PCDHGA6: variants seen among roughly 807,000 people sequenced by gnomAD.
PCDHGA6 encodes the protein protocadherin gamma subfamily A, 6, also known as protocadherin gamma-A6.
PCDHGA6 carries 41 observed loss-of-function variants against 60.6 expected under a neutral mutation model. That is an observed-to-expected ratio of 0.68 (90% CI 0.53 to 0.88). The LOEUF is 0.88. Ranked by LOEUF, PCDHGA6 falls within the 40% of genes least tolerant of loss-of-function variation. PCDHGA6 has a pLI of 0.00. For synonymous variants in PCDHGA6, 594 were observed against 524.4 expected (o/e 1.13, Z -1.81); for missense variants, 1,312 against 1,203.0 (o/e 1.09, Z -1.34).
intron 1 of PCDHGA6, among the ~76,000 whole-genome samples, chr5:141,474,672 T>C (rs1203448521): frequency 2.0e-5 from 3 of 152,228 alleles, no homozygotes; most frequent in Non-Finnish European, 4.4e-5. Flanking sequence ...ACCTAACCTA[T>C]GTGCCTACCC....
Position 141,476,852 on chromosome 5 carries a change from C to T in PCDHGA6, c.2425-17955C>T. 6.2e-7 allele frequency: 1 copy of T among 1,613,828 alleles called. No homozygotes were observed. Among genetic ancestry groups the T allele is most frequent in the Non-Finnish European group, 8.5e-7 (1 of 1,180,044 alleles). ...GAATGACAATGCGCCTGTCTTCAAC[C>T]AGTCCTTGTACCGGGCGCGCGTCCT... On this transcript the variant is annotated intron_variant, in intron 1 of 3. Coordinates refer to ENST00000517434, the MANE Select transcript of PCDHGA6 (RefSeq NM_018919.3). This position sits in a 1 kb window ranked among gnomAD's most constrained non-coding sequence, Gnocchi z 7.6.
intron 1 of PCDHGA6, among the ~76,000 whole-genome samples, chr5:141,424,873 A>G (rs549945556): frequency 3.9e-5 from 6 of 152,198 alleles, no homozygotes; most frequent in Non-Finnish European, 8.8e-5. Context: ...CAAATGAGGA[A>G]AGGAGACTTA....
In PCDHGA6 at chr5:141,433,177, A is replaced by T; in HGVS notation, c.2424+56670A>T. 1.9e-6 allele frequency: 3 copies of T among 1,608,174 alleles called. No homozygotes were observed. The Middle Eastern group carries it at 5.0e-4, about 267-fold the overall frequency. Reference sequence around the variant, plus strand: ...TATTTTCTAAAGACAGTCATGGGTTAATTGAGGTGAGTTTATATCAAATCT... The same window carrying T: ...TATTTTCTAAAGACAGTCATGGGTTTATTGAGGTGAGTTTATATCAAATCT... On this transcript the variant is annotated intron_variant, in intron 1 of 3. Coordinates refer to ENST00000517434, the MANE Select transcript of PCDHGA6 (RefSeq NM_018919.3).
intron 1 of PCDHGA6, chr5:141,383,529 G>C (rs367939205): frequency 2.4e-5 from 39 of 1,612,356 alleles, no homozygotes; most frequent in Non-Finnish European, 3.1e-5. Flanking sequence ...TTCACCACCT[G>C]GTCCTCACAG....
intron 1 of PCDHGA6, chr5:141,394,704 G>A (rs1357305999): frequency 1.2e-6 from 2 of 1,613,268 alleles, no homozygotes; most frequent in East Asian, 2.2e-5. Context: ...CACGGCGCGA[G>A]CCCTGCTGGA....
Position 141,432,136 on chromosome 5 carries a change from T to C in PCDHGA6, c.2424+55629T>C, listed in dbSNP as rs766026174. 2 of 1,613,960 alleles carry C rather than the reference T, an allele frequency of 1.2e-6. No individual in the cohort carries two copies. The highest frequency in any genetic ancestry group is 1.7e-5 in the Admixed American group (1 of 59,996). On this transcript the variant is annotated intron_variant, in intron 1 of 3. Transcript: ENST00000517434. The surrounding 1 kb of genome is among the most constrained non-coding windows in gnomAD (Gnocchi z 6.0). ...TCTTCCCTCAGGCCTCCTATTCCGC[T>C]TATATCCCAGAGAACAATCCCAGAG...
chr5:141,384,609 T>A (rs967686346), intron 1 of PCDHGA6: 5 of 1,614,148 alleles, frequency 3.1e-6, no homozygotes, highest in African/African-American at 1.3e-5. Flanking sequence ...TCCCCACAGA[T>A]GGTTCTACTG....
Position 141,486,683 on chromosome 5 carries a change from G to C in PCDHGA6, c.2425-8124G>C, listed in dbSNP as rs1207359772. 6.2e-7 allele frequency: 1 copy of C among 1,613,974 alleles called. No individual in the cohort carries two copies. ...GGAGCCCAGGAATCGAGATGTATCA[G>C]CTTCCTCTTTCATCTCTCTGAACCC... On this transcript the variant is annotated intron_variant, in intron 1 of 3. Coordinates refer to ENST00000517434, the MANE Select transcript of PCDHGA6 (RefSeq NM_018919.3). This position sits in a 1 kb window ranked among gnomAD's most constrained non-coding sequence, Gnocchi z 5.0.
At chr5:141,499,019 AG>A (rs2099788634) in intron 2 of PCDHGA6, among the ~76,000 whole-genome samples, 3 of 150,840 alleles carry the variant, frequency 2.0e-5, no homozygotes, top group Non-Finnish European at 3.0e-5. Context: ...GAAGGAAGGA[AG>A]GAAGGAAGAA....
intron 1 of PCDHGA6, chr5:141,423,468 A>G (rs1474468597): frequency 6.2e-7 from 1 of 1,613,960 alleles, no homozygotes; most frequent in Admixed American, 1.7e-5. Flanking sequence ...TGGACGGGGT[A>G]CAGGCTTTCC....
In PCDHGA6 at chr5:141,460,961, A is replaced by ATATGTGTGTG. The variant is rs1463306338; in HGVS notation, c.2425-33845_2425-33844insATGTGTGTGT. On this transcript the variant is annotated intron_variant, in intron 1 of 3. Coordinates refer to ENST00000517434, the MANE Select transcript of PCDHGA6 (RefSeq NM_018919.3). ...ATATATATGTATTATGTATATATAT[A>ATATGTGTGTG]TGTGTGTGTGTGTGTGTGTGTGTAT... Among the ~76,000 whole-genome samples the ATATGTGTGTG allele has an allele frequency of 1.3e-3, 194 of 144,616 alleles. 1 individual carries two copies. The highest frequency in any genetic ancestry group is 4.7e-3 in the African/African-American group (182 of 38,716). 94.9% of individuals were successfully genotyped at this position (144,616 alleles called of 152,430 possible). A position where few individuals can be genotyped will look rare whatever the true frequency, so the allele number is the denominator to read the frequency against.
chr5:141,414,181 A>G, intron 1 of PCDHGA6: 2 of 1,609,294 alleles, frequency 1.2e-6, no homozygotes, highest in South Asian at 1.1e-5. Context: ...TGCAACTGCA[A>G]AAGTGTTGAT....
rs764055095 is a variant in PCDHGA6, at chr5:141,385,083, A to G, written c.2424+8576A>G. ...ACAAGTCACGCCTGCTGCAGGCTTC[A>G]GAAGGTGGCTTGGCGAACGTGCCCA... On this transcript the variant is annotated intron_variant, in intron 1 of 3. Coordinates refer to ENST00000517434, the MANE Select transcript of PCDHGA6 (RefSeq NM_018919.3). 18 of 1,614,084 alleles carry G rather than the reference A, an allele frequency of 1.1e-5. No homozygotes were observed. The Admixed American group carries it at 3.0e-4, about 27-fold the overall frequency.
rs186484297 is a variant in PCDHGA6 at position 141,453,739 on chromosome 5, A to G, written c.2425-41068A>G. ...TAAAAATATTTGTTACTACAGCTTA[A>G]ATAACATAAGTCTCCTAAAAATAAT... On this transcript the variant is annotated intron_variant, in intron 1 of 3. Coordinates refer to ENST00000517434, the MANE Select transcript of PCDHGA6 (RefSeq NM_018919.3). Among the ~76,000 whole-genome samples, 2 of 152,370 alleles carry G rather than the reference A, an allele frequency of 1.3e-5. 1 individual carries two copies. Among genetic ancestry groups the G allele is most frequent in the Admixed American group, 1.3e-4 (2 of 15,300 alleles).
At position 141,393,264 on chromosome 5, in the gene PCDHGA6, C is replaced by G. The variant is rs537186931; in HGVS notation, c.2424+16757C>G. The G allele has an allele frequency of 1.1e-4, 170 of 1,613,916 alleles. 3 individuals carry two copies. The South Asian group carries it at 1.8e-3, about 17-fold the overall frequency. On this transcript the variant is annotated intron_variant, in intron 1 of 3. Coordinates refer to ENST00000517434, the MANE Select transcript of PCDHGA6 (RefSeq NM_018919.3). ...TAACGAAATCGCGGTTCCTGGAGCA[C>G]GTTATCCACTCCCAGAAGCTGTTGA...
chr5:141,390,098 C>A (rs2092044435), intron 1 of PCDHGA6: 1 of 1,613,924 alleles, frequency 6.2e-7, no homozygotes, highest in Non-Finnish European at 8.5e-7. Context: ...CCGTGGTTCC[C>A]CCCAACTACA....
In PCDHGA6 at chr5:141,486,143, G is replaced by T; in HGVS notation, c.2425-8664G>T. On this transcript the variant is annotated intron_variant, in intron 1 of 3. Coordinates refer to ENST00000517434, the MANE Select transcript of PCDHGA6 (RefSeq NM_018919.3). This position sits in a 1 kb window ranked among gnomAD's most constrained non-coding sequence, Gnocchi z 5.0. ...CTATGAATTTGATGTGCGGGCTCGC[G>T]ATGGGGGTTCTCCAGCCATGGAGCA... 6.2e-7 allele frequency: 1 copy of T among 1,614,198 alleles called. No homozygotes were observed. Among genetic ancestry groups the T allele is most frequent in the Non-Finnish European group, 8.5e-7 (1 of 1,180,030 alleles).
Position 141,490,070 on chromosome 5 carries a change from T to C in PCDHGA6, c.2425-4737T>C, listed in dbSNP as rs2099695766. ...CCAGACGAGGGCACCAACGGCCAAC[T>C]AGACTATTCTTTTGGAGACCACACA... On this transcript the variant is annotated intron_variant, in intron 1 of 3. Transcript: ENST00000517434. The surrounding 1 kb of genome is among the most constrained non-coding windows in gnomAD (Gnocchi z 5.4). The C allele has an allele frequency of 6.2e-7, 1 of 1,614,198 alleles. No individual in the cohort carries two copies.
intron 1 of PCDHGA6, among the ~76,000 whole-genome samples, chr5:141,483,630 G>A (rs2099583876): frequency 6.7e-6 from 1 of 149,714 alleles, no homozygotes; most frequent in African/African-American, 2.5e-5. Flanking sequence ...ATGGGAGAAG[G>A]TATAGAGGGG....
Sources: allele counts gnomAD v4.1 joint callset (sites outside exome capture counted in the v4.1 genomes callset), GRCh38; gene constraint gnomAD v4.1.1; non-coding constraint Gnocchi (gnomAD v3.1); transcripts MANE v1.5; gene names NCBI Gene and HGNC (gene_info 2026-07-23, HGNC 2026-07-21).